AGFG1: variants seen among roughly 807,000 people sequenced by gnomAD.
AGFG1 encodes the protein arf-GAP domain and FG repeat-containing protein 1.
Under a neutral mutation model 60.6 loss-of-function variants are expected in AGFG1, and 10 were observed. That is an observed-to-expected ratio of 0.16 (90% CI 0.10 to 0.28). The LOEUF (loss-of-function observed/expected upper bound fraction) is 0.28, where lower values mean the gene tolerates loss of function less well. Ranked by LOEUF, AGFG1 falls within the 10% of genes least tolerant of loss-of-function variation. The pLI, the probability that AGFG1 is intolerant of heterozygous loss-of-function variation, is 1.00. For missense variants in AGFG1, 537 were observed against 676.5 expected, an observed-to-expected ratio of 0.79 and a Z score of 2.29; for synonymous variants, 247 against 242.9, an observed-to-expected ratio of 1.02 and a Z score of -0.16.
chr2:227,476,306 T>C (rs996697333), intron 1 of AGFG1, among the ~76,000 whole-genome samples: 2 of 152,230 alleles, frequency 1.3e-5, no homozygotes, highest in African/African-American at 2.4e-5. Flanking sequence ...ATTTAAAATA[T>C]AGCCAACAGT....
intron 10 of AGFG1, among the ~76,000 whole-genome samples, chr2:227,540,653 C>T (rs575349028): frequency 1.3e-5 from 2 of 152,116 alleles, no homozygotes; most frequent in Non-Finnish European, 2.9e-5. Context: ...CCGCAGTAAA[C>T]GTACGTGTGC....
chr2:227,479,044 T>A (rs1690378225), intron 1 of AGFG1, among the ~76,000 whole-genome samples: 1 of 152,234 alleles, frequency 6.6e-6, no homozygotes, highest in Admixed American at 6.5e-5. Flanking sequence ...AGCATAAAAC[T>A]CACTCTCTCC....
chr2:227,481,276 C>G (rs928691614), intron 1 of AGFG1, among the ~76,000 whole-genome samples: 1 of 151,986 alleles, frequency 6.6e-6, no homozygotes, highest in Non-Finnish European at 1.5e-5. Flanking sequence ...AGATAATCCT[C>G]CAGCTTTCCA....
intron 2 of AGFG1, among the ~76,000 whole-genome samples, chr2:227,507,474 A>C (rs1032996970): frequency 6.6e-6 from 1 of 152,036 alleles, no homozygotes; most frequent in Admixed American, 6.6e-5. Flanking sequence ...GTGGTGGCAC[A>C]TGCCTGTAGT....
intron 1 of AGFG1, among the ~76,000 whole-genome samples, chr2:227,482,689 C>A (rs1038795416): frequency 2.0e-5 from 3 of 152,230 alleles, no homozygotes; most frequent in African/African-American, 7.2e-5. Flanking sequence ...AGCTTTCCTA[C>A]TTACTCATCC....
At chr2:227,504,046 A>G (rs944629107) in intron 2 of AGFG1, among the ~76,000 whole-genome samples, 5 of 152,132 alleles carry the variant, frequency 3.3e-5, no homozygotes, top group African/African-American at 1.2e-4. Flanking sequence ...AAATGTATTT[A>G]CTGTTTATTA....
intron 10 of AGFG1, among the ~76,000 whole-genome samples, chr2:227,546,372 T>A (rs1199866115): frequency 2.0e-5 from 3 of 152,206 alleles, no homozygotes; most frequent in East Asian, 1.9e-4. Flanking sequence ...GTGTCCCGAT[T>A]TTCCAGGTAC....
At chr2:227,515,832 A>T (rs941868223) in intron 2 of AGFG1, among the ~76,000 whole-genome samples, 1 of 152,114 alleles carries the variant, frequency 6.6e-6, no homozygotes, top group Non-Finnish European at 1.5e-5. Flanking sequence ...AAGAGACTTT[A>T]TACTCTATCA....
At chr2:227,513,722 T>C (rs1294526716) in intron 2 of AGFG1, among the ~76,000 whole-genome samples, 1 of 152,248 alleles carries the variant, frequency 6.6e-6, no homozygotes, top group East Asian at 1.9e-4. Context: ...TGATAAAATA[T>C]GCTTTAACAT....
At position 227,472,410 on chromosome 2, in the gene AGFG1, G is replaced by A. The variant is rs1559160478; in HGVS notation, c.-12G>A. 2.1e-6 allele frequency: 3 copies of A among 1,462,016 alleles called. No individual in the cohort carries two copies. The Middle Eastern group carries it at 5.5e-4, about 270-fold the overall frequency. 90.6% of individuals were successfully genotyped at this position (1,462,016 alleles called of 1,614,324 possible). On this transcript the variant is annotated 5_prime_UTR_variant, in exon 1 of 13. Transcript: ENST00000310078. Reference sequence around the variant, plus strand: ...CCCGGCCCTGCCGGCCTCCTCCCTTGGCGCCGCGGCCATGGCGGCCAGCGC... The same window carrying A: ...CCCGGCCCTGCCGGCCTCCTCCCTTAGCGCCGCGGCCATGGCGGCCAGCGC...
chr2:227,488,431 C>G lies in AGFG1; in HGVS notation c.168-3116C>G, dbSNP rs188040822. Reference sequence around the variant, plus strand: ...GGTATAGTTGTTTGCTCCAAAATTTCCAAAACATACATCCTTTTAATAGTG... The same window carrying G: ...GGTATAGTTGTTTGCTCCAAAATTTGCAAAACATACATCCTTTTAATAGTG... On this transcript the variant is annotated intron_variant, in intron 1 of 12. Coordinates refer to ENST00000310078, the MANE Select transcript of AGFG1 (RefSeq NM_004504.5). 1.8e-3 allele frequency among the ~76,000 whole-genome samples: 274 copies of G among 152,310 alleles called. 2 individuals carry two copies. Among genetic ancestry groups the G allele is most frequent in the Non-Finnish European group, 1.8e-3 (121 of 68,026 alleles).
chr2:227,516,087 T>C (rs10191218), intron 2 of AGFG1, among the ~76,000 whole-genome samples: 7,870 of 152,312 alleles, frequency 0.052, 261 homozygotes, highest in African/African-American at 0.1. Flanking sequence ...GGTGTTCTGA[T>C]ACAGAGGCAA....
chr2:227,552,171 T>A, intron 11 of AGFG1, 54 bp downstream of exon 11: 2 of 1,600,620 alleles, frequency 1.2e-6, no homozygotes, highest in South Asian at 1.1e-5. Flanking sequence ...CCTTTTTATA[T>A]CATAATGTTG....
At chr2:227,544,976 C>G (rs1397774916) in intron 10 of AGFG1, among the ~76,000 whole-genome samples, 1 of 152,112 alleles carries the variant, frequency 6.6e-6, no homozygotes. Context: ...GTGGTGTTCT[C>G]TGTATTTCCT....
intron 2 of AGFG1, among the ~76,000 whole-genome samples, chr2:227,495,298 G>A (rs944956307): frequency 4.6e-5 from 7 of 152,032 alleles, no homozygotes; most frequent in Non-Finnish European, 7.4e-5. Flanking sequence ...TGTAATCCCA[G>A]CACTTTGGGA....
At chr2:227,490,194 T>C (rs1012520214) in intron 1 of AGFG1, among the ~76,000 whole-genome samples, 6 of 152,208 alleles carry the variant, frequency 3.9e-5, no homozygotes, top group Non-Finnish European at 8.8e-5. Context: ...TTTTAAAAAC[T>C]TCTGGTACAT....
intron 5 of AGFG1, among the ~76,000 whole-genome samples, chr2:227,530,274 A>G (rs1692119913): frequency 6.6e-6 from 1 of 152,096 alleles, no homozygotes; most frequent in Non-Finnish European, 1.5e-5. Flanking sequence ...TAATTTTTGT[A>G]TTACTGAATT....
chr2:227,531,499 C>T (rs567336424), intron 6 of AGFG1, among the ~76,000 whole-genome samples: 1 of 148,460 alleles, frequency 6.7e-6, no homozygotes, highest in South Asian at 2.1e-4. Context: ...CATGACACTA[C>T]TATAAGTATT....
intron 8 of AGFG1, among the ~76,000 whole-genome samples, chr2:227,535,616 G>A (rs1406730582): frequency 6.6e-6 from 1 of 152,146 alleles, no homozygotes; most frequent in Admixed American, 6.5e-5. Flanking sequence ...TAGAGTTGCG[G>A]AAATAGTCTC....
Sources: allele counts gnomAD v4.1 joint callset (sites outside exome capture counted in the v4.1 genomes callset), GRCh38; gene constraint gnomAD v4.1.1; transcripts MANE v1.5; gene names NCBI Gene and HGNC (gene_info 2026-07-23, HGNC 2026-07-21).